TMC1: variants seen among roughly 807,000 people sequenced by gnomAD.
The protein encoded by TMC1 is transmembrane channel-like protein 1.
TMC1 carries 84 observed loss-of-function variants against 105.8 expected under a neutral mutation model. The observed-to-expected ratio is 0.79, with a 90% confidence interval of 0.67 to 0.95. The LOEUF is 0.95. Ranked by LOEUF, TMC1 falls within the 40% of genes least tolerant of loss-of-function variation. TMC1 has a pLI of 0.00. For synonymous variants in TMC1, 315 were observed against 311.5 expected, an observed-to-expected ratio of 1.01 and a Z score of -0.12; for missense variants, 817 against 914.1, an observed-to-expected ratio of 0.89 and a Z score of 1.37.
chr9:72,533,769 T>C (rs1220241996), intron 1 of TMC1, among the ~76,000 whole-genome samples: 2 of 152,152 alleles, frequency 1.3e-5, no homozygotes, highest in Non-Finnish European at 2.9e-5. Context: ...TGCGTTTCTC[T>C]CTCTCCCTTC....
intron 9 of TMC1, among the ~76,000 whole-genome samples, chr9:72,742,154 C>G (rs574769982): frequency 5.0e-4 from 76 of 152,076 alleles, no homozygotes; most frequent in Non-Finnish European, 8.7e-4. Flanking sequence ...GTGCTAATCC[C>G]CTGCTTTCTT....
intron 12 of TMC1, among the ~76,000 whole-genome samples, chr9:72,765,958 C>G (rs911125734): frequency 1.3e-5 from 2 of 152,260 alleles, no homozygotes; most frequent in Middle Eastern, 3.4e-3. Context: ...ATGACAAAAA[C>G]TAGGCATGAG....
intron 1 of TMC1, among the ~76,000 whole-genome samples, chr9:72,574,411 A>G (rs140589370): frequency 6.6e-6 from 1 of 152,224 alleles, no homozygotes; most frequent in Admixed American, 6.5e-5. Context: ...ATATGGTGCT[A>G]TCAGGAAAGC....
chr9:72,731,608 A>G (rs868457850), intron 8 of TMC1, among the ~76,000 whole-genome samples: 2 of 152,158 alleles, frequency 1.3e-5, no homozygotes, highest in South Asian at 2.1e-4. Flanking sequence ...ACAGCACTGT[A>G]TTACACCCAT....
At chr9:72,560,732 C>T (rs988387070) in intron 1 of TMC1, among the ~76,000 whole-genome samples, 3 of 151,648 alleles carry the variant, frequency 2.0e-5, no homozygotes, top group Non-Finnish European at 4.4e-5. Context: ...GATCCGCCCG[C>T]CTCCGCCTCC....
intron 13 of TMC1, among the ~76,000 whole-genome samples, chr9:72,781,826 T>G (rs2118156513): frequency 6.6e-6 from 1 of 152,200 alleles, no homozygotes; most frequent in East Asian, 1.9e-4. Context: ...ATAAAAAGCC[T>G]ATCAACCAGA....
At chr9:72,637,871 G>A (rs1026687608) in intron 4 of TMC1, among the ~76,000 whole-genome samples, 6 of 152,234 alleles carry the variant, frequency 3.9e-5, no homozygotes, top group African/African-American at 1.4e-4. Context: ...TAGTATTCCA[G>A]TAATAAGGAA....
At chr9:72,826,352 G>A (rs1828954240) in intron 20 of TMC1, among the ~76,000 whole-genome samples, 3 of 152,064 alleles carry the variant, frequency 2.0e-5, no homozygotes, top group South Asian at 4.1e-4. Context: ...CCCATGATTC[G>A]GTGTGGTTAC....
At chr9:72,599,897 A>G (rs1824779611) in intron 2 of TMC1, among the ~76,000 whole-genome samples, 1 of 152,238 alleles carries the variant, frequency 6.6e-6, no homozygotes, top group South Asian at 2.1e-4. Context: ...TCTTGCTGAG[A>G]GACTGATATT....
At chr9:72,598,980 C>T (rs903897364) in intron 2 of TMC1, among the ~76,000 whole-genome samples, 2 of 152,144 alleles carry the variant, frequency 1.3e-5, no homozygotes, top group Non-Finnish European at 2.9e-5. Flanking sequence ...GTAGGAAAGG[C>T]TTGGCTTAAC....
chr9:72,658,906 A>G (rs199750897), intron 5 of TMC1, among the ~76,000 whole-genome samples: 8 of 152,188 alleles, frequency 5.3e-5, no homozygotes, highest in African/African-American at 1.7e-4. Flanking sequence ...AGAACTTACA[A>G]ATTTTTCCAG....
intron 2 of TMC1, among the ~76,000 whole-genome samples, chr9:72,612,450 A>G (rs1239799492): frequency 6.6e-5 from 10 of 151,826 alleles, no homozygotes; most frequent in Admixed American, 6.6e-4. Flanking sequence ...CTGAGATTAC[A>G]GACAAGAGCC....
At chr9:72,690,136 G>T in intron 6 of TMC1, among the ~76,000 whole-genome samples, 1 of 151,084 alleles carries the variant, frequency 6.6e-6, no homozygotes, top group South Asian at 2.1e-4. Flanking sequence ...ATTTTATTGT[G>T]GTTACCATGG....
intron 1 of TMC1, among the ~76,000 whole-genome samples, chr9:72,574,282 A>G (rs1824337546): frequency 6.6e-6 from 1 of 152,228 alleles, no homozygotes; most frequent in Admixed American, 6.5e-5. Context: ...TCCAGTACAG[A>G]TGGTTAAAGA....
At chr9:72,831,492 G>T (rs1404739920) in intron 23 of TMC1, among the ~76,000 whole-genome samples, 2 of 151,958 alleles carry the variant, frequency 1.3e-5, no homozygotes, top group Admixed American at 6.6e-5. Flanking sequence ...CAACGTGCAG[G>T]TTAGTTACAT....
chr9:72,701,155 T>C (rs1322881580), intron 8 of TMC1, among the ~76,000 whole-genome samples: 2 of 152,106 alleles, frequency 1.3e-5, no homozygotes, highest in African/African-American at 4.8e-5. Flanking sequence ...CAAATGAACT[T>C]TTCATGTGAC....
At chr9:72,551,938 G>A (rs534413878) in intron 1 of TMC1, among the ~76,000 whole-genome samples, 1 of 152,184 alleles carries the variant, frequency 6.6e-6, no homozygotes, top group East Asian at 1.9e-4. Flanking sequence ...TAAGAAAAAG[G>A]CATGGCACAG....
At position 72,545,670 on chromosome 9, in the gene TMC1, T is replaced by C. The variant is rs185031812; in HGVS notation, c.-428+23757T>C. 3.9e-5 allele frequency among the ~76,000 whole-genome samples: 6 copies of C among 152,092 alleles called. No homozygotes were observed. The East Asian group carries it at 9.7e-4, about 25-fold the overall frequency. On this transcript the variant is annotated intron_variant, in intron 1 of 23. Coordinates refer to ENST00000297784, the MANE Select transcript of TMC1 (RefSeq NM_138691.3). ...GCCCAGCTAAGTTTTGAATTTTTAGTAGAGATAGGGTTTCACCATGTTCGC... is the reference window on the plus strand; with the variant it reads ...GCCCAGCTAAGTTTTGAATTTTTAGCAGAGATAGGGTTTCACCATGTTCGC...
intron 2 of TMC1, among the ~76,000 whole-genome samples, chr9:72,584,011 T>C (rs1351844844): frequency 6.6e-6 from 1 of 152,232 alleles, no homozygotes; most frequent in African/African-American, 2.4e-5. Flanking sequence ...ACAAAGATGT[T>C]CCTGGCAGGG....
Sources: allele counts gnomAD v4.1 joint callset (sites outside exome capture counted in the v4.1 genomes callset), GRCh38; gene constraint gnomAD v4.1.1; transcripts MANE v1.5; gene names NCBI Gene and HGNC (gene_info 2026-07-23, HGNC 2026-07-21).